ATP6V1E2: variants seen among roughly 807,000 people sequenced by gnomAD.
ATP6V1E2 encodes the protein V-type proton ATPase subunit E 2.
For missense variants in ATP6V1E2, 308 were observed against 273.3 expected, an observed-to-expected ratio of 1.13 and a Z score of -0.90; for synonymous variants, 121 against 104.2, an observed-to-expected ratio of 1.16 and a Z score of -0.98.
chr2:46,513,939 A>C (rs1465099343), intron 4 of ATP6V1E2, among the ~76,000 whole-genome samples: 1 of 152,116 alleles, frequency 6.6e-6, no homozygotes, highest in Non-Finnish European at 1.5e-5. Context: ...TTTTTACTAG[A>C]AGTGGTTCCA....
intron 2 of ATP6V1E2, among the ~76,000 whole-genome samples, chr2:46,540,909 T>G (rs965936546): frequency 2.0e-5 from 3 of 152,202 alleles, no homozygotes; most frequent in Admixed American, 2.0e-4. Context: ...AGTTCCCCAC[T>G]GGGAATGCTA....
intron 4 of ATP6V1E2, among the ~76,000 whole-genome samples, chr2:46,514,149 G>A (rs1687605281): frequency 6.8e-6 from 1 of 147,864 alleles, no homozygotes; most frequent in South Asian, 2.2e-4. Context: ...GTGTGGTGGT[G>A]GATGCCTGTA....
rs114631823 is a variant in ATP6V1E2, at chr2:46,525,981, A to G, written c.-102+9832T>C. Among the ~76,000 whole-genome samples the G allele has an allele frequency of 6.9e-3, 1,052 of 151,944 alleles. 6 individuals are homozygous for G. The highest frequency in any genetic ancestry group is 0.024 in the African/African-American group (989 of 41,448). ...CGGTCTGTTGCCTTAGAAAATGTGG[A>G]CTAGGATGTCATAAGATCTGATTTT... On this transcript the variant is annotated intron_variant, in intron 4 of 4. Coordinates refer to ENST00000522587, the MANE Select transcript of ATP6V1E2 (RefSeq NM_001318063.2).
chr2:46,533,294 G>C (rs904647449), intron 4 of ATP6V1E2, among the ~76,000 whole-genome samples: 36 of 151,820 alleles, frequency 2.4e-4, no homozygotes, highest in African/African-American at 8.7e-4. Flanking sequence ...GTTTTTTTGA[G>C]ACATGGTCTG....
chr2:46,518,139 T>A (rs891310239), intron 4 of ATP6V1E2, among the ~76,000 whole-genome samples: 1 of 152,318 alleles, frequency 6.6e-6, no homozygotes, highest in South Asian at 2.1e-4. Flanking sequence ...GTGTGGTGTA[T>A]ACATAAAATG....
intron 4 of ATP6V1E2, among the ~76,000 whole-genome samples, chr2:46,525,352 C>T (rs1310388417): frequency 6.6e-6 from 1 of 151,468 alleles, no homozygotes; most frequent in Non-Finnish European, 1.5e-5. Context: ...GTCCCAGCTA[C>T]TCGGGAGGCT....
intron 2 of ATP6V1E2, chr2:46,537,305 A>C (rs1441005939): frequency 6.6e-6 from 1 of 152,260 alleles, no homozygotes; most frequent in African/African-American, 2.4e-5. Context: ...ACTCCTTGCC[A>C]TAGTGATGGT....
intron 4 of ATP6V1E2, among the ~76,000 whole-genome samples, chr2:46,525,080 G>A (rs1666829119): frequency 6.6e-6 from 1 of 152,200 alleles, no homozygotes; most frequent in African/African-American, 2.4e-5. Context: ...GCGATTGGAA[G>A]GAAGAGATGT....
At chr2:46,531,700 C>G (rs1218956881) in intron 4 of ATP6V1E2, among the ~76,000 whole-genome samples, 2 of 152,188 alleles carry the variant, frequency 1.3e-5, no homozygotes, top group Non-Finnish European at 2.9e-5. Context: ...TTTCCTTCCC[C>G]CACCCCTAAT....
chr2:46,524,896 T>C (rs1666817622), intron 4 of ATP6V1E2, among the ~76,000 whole-genome samples: 1 of 151,840 alleles, frequency 6.6e-6, no homozygotes, highest in Non-Finnish European at 1.5e-5. Flanking sequence ...TGCCTGAGAG[T>C]TGGGGCATTA....
At chr2:46,520,153 T>C (rs1337401960) in intron 4 of ATP6V1E2, among the ~76,000 whole-genome samples, 1 of 152,194 alleles carries the variant, frequency 6.6e-6, no homozygotes, top group Non-Finnish European at 1.5e-5. Context: ...CACTTCTAAA[T>C]AGCTCATTAG....
At chr2:46,541,224 T>G (rs7568417) in intron 2 of ATP6V1E2, among the ~76,000 whole-genome samples, 166 bp downstream of exon 2, 6,734 of 152,330 alleles carry the variant, frequency 0.044, 201 homozygotes, top group Middle Eastern at 0.099. Context: ...GAACTGACCT[T>G]AAGGCACTTT....
intron 4 of ATP6V1E2, among the ~76,000 whole-genome samples, chr2:46,524,139 A>G (rs1453352574): frequency 2.0e-5 from 3 of 151,298 alleles, no homozygotes; most frequent in Non-Finnish European, 4.4e-5. Context: ...GGCTGAGATG[A>G]TGGGGTTTTG....
chr2:46,538,344 G>C (rs1558671909), intron 2 of ATP6V1E2, among the ~76,000 whole-genome samples: 1 of 152,206 alleles, frequency 6.6e-6, no homozygotes, highest in Admixed American at 6.5e-5. Flanking sequence ...TTTGAAGAGA[G>C]ATGATTTTGA....
chr2:46,536,252 T>G (rs3814044), intron 3 of ATP6V1E2, among the ~76,000 whole-genome samples: 8 of 152,264 alleles, frequency 5.3e-5, no homozygotes, highest in African/African-American at 1.9e-4. Context: ...AAGAGATCTA[T>G]GTACATTCTA....
intron 2 of ATP6V1E2, among the ~76,000 whole-genome samples, chr2:46,540,374 T>A (rs1457847569): frequency 1.4e-5 from 2 of 148,070 alleles, no homozygotes; most frequent in African/African-American, 2.5e-5. Context: ...TGAGCCAAGA[T>A]CATGCCTTTG....
chr2:46,540,083 G>C (rs957497468), intron 2 of ATP6V1E2, among the ~76,000 whole-genome samples: 17 of 152,124 alleles, frequency 1.1e-4, no homozygotes, highest in African/African-American at 4.1e-4. Flanking sequence ...TTAAGTATGA[G>C]AGGAAGGAGG....
intron 4 of ATP6V1E2, chr2:46,527,981 C>T (rs2103895966): frequency 6.6e-6 from 1 of 152,350 alleles, no homozygotes; most frequent in East Asian, 1.9e-4. Context: ...CAGAGACCTG[C>T]ATTGGGTGTC....
At chr2:46,534,135 T>C (rs1476749013) in intron 4 of ATP6V1E2, among the ~76,000 whole-genome samples, 1 of 152,204 alleles carries the variant, frequency 6.6e-6, no homozygotes, top group Non-Finnish European at 1.5e-5. Flanking sequence ...TTGGGACTTG[T>C]TTTTGGCCTT....
Sources: gnomAD v4.1 joint callset for allele counts (sites outside exome capture counted in the v4.1 genomes callset) on GRCh38, gnomAD v4.1.1 for gene constraint, MANE v1.5 for transcripts, NCBI Gene and HGNC (gene_info 2026-07-23, HGNC 2026-07-21) for gene names.